Variants in GRM5 observed in about 807,000 individuals in gnomAD.
GRM5 encodes glutamate metabotropic receptor 5.
In GRM5, 19 loss-of-function variants were observed where a neutral mutation model predicts 83.1. That is an observed-to-expected ratio of 0.23 (90% CI 0.16 to 0.34). The LOEUF is 0.34. Among genes scored for constraint, GRM5 ranks in the 10% least tolerant of loss-of-function variants. The pLI is 1.00. For synonymous variants in GRM5, 675 were observed against 633.6 expected (o/e 1.07, Z -0.98); for missense variants, 1,160 against 1,588.3 (o/e 0.73, Z 4.58).
chr11:89,032,902 T>C (rs1387516889), intron 2 of GRM5, among the ~76,000 whole-genome samples: 1 of 151,980 alleles, frequency 6.6e-6, no homozygotes, highest in Admixed American at 6.6e-5. Context: ...GGAGCATAAA[T>C]ATGTGAAAAA....
At chr11:88,843,267 T>C in intron 3 of GRM5, among the ~76,000 whole-genome samples, 1 of 152,216 alleles carries the variant, frequency 6.6e-6, no homozygotes, top group African/African-American at 2.4e-5. Context: ...GCGATCTTTT[T>C]CGCTTATATT....
At chr11:88,901,159 C>T (rs1945308690) in intron 2 of GRM5, among the ~76,000 whole-genome samples, 1 of 152,108 alleles carries the variant, frequency 6.6e-6, no homozygotes, top group Middle Eastern at 3.4e-3. Context: ...TTGTGAGATC[C>T]GTGTGTGAGC....
intron 3 of GRM5, among the ~76,000 whole-genome samples, chr11:88,776,532 A>G (rs1340266577): frequency 5.9e-5 from 9 of 152,088 alleles, no homozygotes; most frequent in Non-Finnish European, 1.5e-5. Context: ...TCTTCATAGC[A>G]TCGATGGTCT....
intron 2 of GRM5, among the ~76,000 whole-genome samples, chr11:89,014,052 G>A (rs1436011030): frequency 1.3e-5 from 2 of 152,020 alleles, no homozygotes; most frequent in Non-Finnish European, 2.9e-5. Flanking sequence ...AGGTATTCTG[G>A]AGATATTTGC....
chr11:88,528,306 C>G (rs1275479867), intron 8 of GRM5, among the ~76,000 whole-genome samples: 1 of 151,984 alleles, frequency 6.6e-6, no homozygotes, highest in Non-Finnish European at 1.5e-5. Flanking sequence ...GAATGGGAAA[C>G]TCATCATTGC....
intron 3 of GRM5, among the ~76,000 whole-genome samples, chr11:88,825,134 T>C (rs1001358801): frequency 3.3e-5 from 5 of 152,308 alleles, no homozygotes; most frequent in African/African-American, 1.2e-4. Context: ...CAAGTCTTTA[T>C]TTTTATTACC....
At chr11:88,795,101 T>G (rs972982020) in intron 3 of GRM5, among the ~76,000 whole-genome samples, 1 of 152,190 alleles carries the variant, frequency 6.6e-6, no homozygotes, top group Non-Finnish European at 1.5e-5. Flanking sequence ...AGAAAAATGG[T>G]AGAATTCCCA....
At chr11:88,637,820 A>G (rs1191202263) in intron 4 of GRM5, among the ~76,000 whole-genome samples, 10 of 148,628 alleles carry the variant, frequency 6.7e-5, no homozygotes, top group African/African-American at 9.8e-5. Flanking sequence ...TACCCAAAGG[A>G]CTATAAATCA....
chr11:88,964,259 A>G (rs1204129178), intron 2 of GRM5, among the ~76,000 whole-genome samples: 2 of 152,134 alleles, frequency 1.3e-5, no homozygotes, highest in Non-Finnish European at 2.9e-5. Context: ...AATAGCAAAA[A>G]TCGAATTAAG....
At position 88,830,649 on chromosome 11, in the gene GRM5, G is replaced by A. The variant is rs116705613; in HGVS notation, c.911+19257C>T. ...GATTCCTGCAATACTTGCCAGAGCC[G>A]TTCTACCCACACTGGCTGTGAGACT... On this transcript the variant is annotated intron_variant, in intron 3 of 9. Coordinates refer to ENST00000305447, the MANE Select transcript of GRM5 (RefSeq NM_001143831.3). 3.6e-3 allele frequency among the ~76,000 whole-genome samples: 552 copies of A among 152,270 alleles called. 5 individuals carry two copies. The highest frequency in any genetic ancestry group is 0.012 in the African/African-American group (514 of 41,558).
intron 3 of GRM5, among the ~76,000 whole-genome samples, chr11:88,737,874 T>G (rs1941952240): frequency 6.6e-6 from 1 of 152,090 alleles, no homozygotes; most frequent in African/African-American, 2.4e-5. Flanking sequence ...CAAGTTATAT[T>G]TGGAAACTTT....
At chr11:88,764,885 G>C (rs1245499047) in intron 3 of GRM5, among the ~76,000 whole-genome samples, 1 of 151,298 alleles carries the variant, frequency 6.6e-6, no homozygotes, top group African/African-American at 2.4e-5. Context: ...ATAGAGACTA[G>C]AAAGATTATA....
intron 2 of GRM5, among the ~76,000 whole-genome samples, chr11:88,956,633 C>T (rs557837426): frequency 1.1e-4 from 16 of 151,500 alleles, no homozygotes; most frequent in African/African-American, 3.9e-4. Flanking sequence ...GGTGAAACCC[C>T]GTCTCTACTA....
chr11:88,700,923 G>A (rs1941018653), intron 3 of GRM5, among the ~76,000 whole-genome samples: 1 of 152,098 alleles, frequency 6.6e-6, no homozygotes, highest in African/African-American at 2.4e-5. Flanking sequence ...CAGTGTTTCT[G>A]TGTCCCTAGG....
At chr11:88,874,975 G>C (rs1176583774) in intron 2 of GRM5, among the ~76,000 whole-genome samples, 5 of 151,882 alleles carry the variant, frequency 3.3e-5, no homozygotes, top group Non-Finnish European at 5.9e-5. Context: ...AGAGGATCTT[G>C]TCTTGATACT....
intron 5 of GRM5, among the ~76,000 whole-genome samples, chr11:88,604,445 A>C (rs181913433): frequency 6.6e-6 from 1 of 152,322 alleles, no homozygotes; most frequent in Admixed American, 6.5e-5. Context: ...GTTTTTATTT[A>C]TCTATGATCA....
At chr11:88,697,110 A>C (rs1216391212) in intron 3 of GRM5, among the ~76,000 whole-genome samples, 2 of 152,204 alleles carry the variant, frequency 1.3e-5, no homozygotes, top group Non-Finnish European at 2.9e-5. Context: ...TGCTATATAT[A>C]GTATTTTTTA....
chr11:88,828,629 T>C (rs1943934231), intron 3 of GRM5, among the ~76,000 whole-genome samples: 1 of 152,138 alleles, frequency 6.6e-6, no homozygotes, highest in African/African-American at 2.4e-5. Flanking sequence ...ACACCAGTGA[T>C]TAAAAAATTT....
At chr11:88,979,778 G>A (rs1463191956) in intron 2 of GRM5, among the ~76,000 whole-genome samples, 1 of 147,550 alleles carries the variant, frequency 6.8e-6, no homozygotes, top group Admixed American at 6.6e-5. Flanking sequence ...CTTTCTTTGT[G>A]GAAAAAAAAA....
Sources: gnomAD v4.1 joint callset for allele counts (sites outside exome capture counted in the v4.1 genomes callset) on GRCh38, gnomAD v4.1.1 for gene constraint, MANE v1.5 for transcripts, NCBI Gene and HGNC (gene_info 2026-07-23, HGNC 2026-07-21) for gene names.